The following NAALADL2 variants were observed in gnomAD, a reference collection of about 807,000 sequenced individuals.
NAALADL2 encodes the protein N-acetylated alpha-linked acidic dipeptidase like 2.
Under a neutral mutation model 87.2 loss-of-function variants are expected in NAALADL2, and 76 were observed. The observed-to-expected ratio is 0.87, with a 90% CI of 0.72 to 1.05. The LOEUF (loss-of-function observed/expected upper bound fraction) is 1.05, where lower values mean the gene tolerates loss of function less well. Among genes scored for constraint, NAALADL2 ranks in the 50% least tolerant of loss-of-function variants. The pLI, the probability that NAALADL2 is intolerant of heterozygous loss-of-function variation, is 0.00. For missense variants in NAALADL2, 1,089 were observed against 945.8 expected (o/e 1.15, Z -1.99); for synonymous variants, 354 against 331.0 (o/e 1.07, Z -0.75).
chr3:174,967,050 C>G lies in NAALADL2; in HGVS notation c.43+107600C>G, dbSNP rs374748593. ...AAGATAGACAATAGTGCTATTTGAA[C>G]AATAATTCACAACCATATCTGTTAG... On this transcript the variant is annotated intron_variant, in intron 1 of 13. Coordinates refer to ENST00000454872, the MANE Select transcript of NAALADL2 (RefSeq NM_207015.3). 6.6e-5 allele frequency among the ~76,000 whole-genome samples: 10 copies of G among 152,210 alleles called. No homozygotes were observed. The East Asian group carries it at 1.7e-3, about 26-fold the overall frequency.
At chr3:175,668,021 G>A (rs1211126377) in intron 11 of NAALADL2, among the ~76,000 whole-genome samples, 1 of 152,054 alleles carries the variant, frequency 6.6e-6, no homozygotes, top group Non-Finnish European at 1.5e-5. Context: ...GCACTGATAG[G>A]CTGCAGTAAT....
chr3:175,078,661 C>A (rs1190332583), intron 1 of NAALADL2, among the ~76,000 whole-genome samples: 1 of 152,156 alleles, frequency 6.6e-6, no homozygotes, highest in Non-Finnish European at 1.5e-5. Flanking sequence ...CTATTCTGGA[C>A]TTAAATGTAA....
intron 13 of NAALADL2, chr3:175,773,097 A>G (rs1308523171): frequency 6.6e-6 from 1 of 152,102 alleles, no homozygotes; most frequent in Non-Finnish European, 1.5e-5. Flanking sequence ...TCTTCAGGAG[A>G]TGGTAATGAG....
At chr3:175,654,891 T>C (rs1731241386) in intron 11 of NAALADL2, among the ~76,000 whole-genome samples, 2 of 152,146 alleles carry the variant, frequency 1.3e-5, no homozygotes, top group African/African-American at 2.4e-5. Flanking sequence ...GTTTCTGATA[T>C]TGCATTACGT....
At chr3:175,164,284 T>A (rs1380642330) in intron 2 of NAALADL2, among the ~76,000 whole-genome samples, 3 of 151,832 alleles carry the variant, frequency 2.0e-5, no homozygotes, top group African/African-American at 7.3e-5. Flanking sequence ...TGTGTATATA[T>A]ATATATGGCA....
intron 1 of NAALADL2, among the ~76,000 whole-genome samples, chr3:174,891,810 A>T (rs77175409): frequency 0.077 from 11,646 of 152,178 alleles, 522 homozygotes; most frequent in Middle Eastern, 0.12. Context: ...ACATACTGAG[A>T]CACCAAGTAT....
rs1718296117 is a variant in NAALADL2 at position 174,492,954 on chromosome 3, G to A, written c.-184+51922G>A. Reference sequence around the variant, plus strand: ...TTCTTCTTTAGCTCCATTTCTTACTGCTGACTGTAGTGCAAGGATTGGGTT... The same window carrying A: ...TTCTTCTTTAGCTCCATTTCTTACTACTGACTGTAGTGCAAGGATTGGGTT... On this transcript the variant is annotated intron_variant, in intron 1 of 3. Coordinates refer to the NAALADL2 transcript ENST00000434257. Among the ~76,000 whole-genome samples, 4 of 152,162 alleles carry A rather than the reference G, an allele frequency of 2.6e-5. No individual in the cohort carries two copies. The South Asian group carries it at 8.3e-4, about 31-fold the overall frequency.
At chr3:174,798,571 G>A (rs1360410735) in intron 3 of NAALADL2, among the ~76,000 whole-genome samples, 3 of 151,524 alleles carry the variant, frequency 2.0e-5, no homozygotes, top group African/African-American at 4.8e-5. Context: ...AACATGGGAT[G>A]TTTTTCCATT....
chr3:174,821,532 C>T (rs964158535), intron 3 of NAALADL2, among the ~76,000 whole-genome samples: 5 of 152,028 alleles, frequency 3.3e-5, no homozygotes, highest in African/African-American at 2.4e-5. Context: ...GATGAAAAGC[C>T]TGTTTTCCCC....
intron 9 of NAALADL2, among the ~76,000 whole-genome samples, chr3:175,561,354 A>G (rs900221246): frequency 2.6e-5 from 4 of 152,184 alleles, no homozygotes; most frequent in Non-Finnish European, 5.9e-5. Flanking sequence ...AATGACAAGG[A>G]AAAAAAGTCT....
At chr3:174,848,020 T>C (rs866010628) in intron 3 of NAALADL2, among the ~76,000 whole-genome samples, 26 of 151,744 alleles carry the variant, frequency 1.7e-4, no homozygotes, top group Non-Finnish European at 3.1e-4. Flanking sequence ...TTTTTTTTTT[T>C]ACTTCTTTGC....
At chr3:174,733,384 C>G (rs1369432809) in intron 2 of NAALADL2, among the ~76,000 whole-genome samples, 1 of 152,206 alleles carries the variant, frequency 6.6e-6, no homozygotes, top group Non-Finnish European at 1.5e-5. Context: ...CAGTCAAAGG[C>G]ATTATGTTAG....
chr3:175,782,040 AT>A (rs1462336859), intron 13 of NAALADL2, among the ~76,000 whole-genome samples: 22 of 150,706 alleles, frequency 1.5e-4, no homozygotes, highest in African/African-American at 5.3e-4. Flanking sequence ...TGAACTCATC[AT>A]TTTTTATGGC....
intron 2 of NAALADL2, among the ~76,000 whole-genome samples, chr3:175,148,928 T>A (rs906483874): frequency 6.6e-6 from 1 of 152,174 alleles, no homozygotes; most frequent in African/African-American, 2.4e-5. Context: ...CTTTGACTAT[T>A]CAGGCTCTTT....
At chr3:174,644,602 A>C (rs1723592984) in intron 2 of NAALADL2, among the ~76,000 whole-genome samples, 1 of 152,148 alleles carries the variant, frequency 6.6e-6, no homozygotes, top group Admixed American at 6.5e-5. Flanking sequence ...TCAAGAGTCA[A>C]CTGTAGCATT....
chr3:174,762,599 A>G (rs909084184), intron 3 of NAALADL2, among the ~76,000 whole-genome samples: 4 of 151,978 alleles, frequency 2.6e-5, no homozygotes, highest in Non-Finnish European at 5.9e-5. Flanking sequence ...GTGGAAAAAA[A>G]TATTGAAATA....
intron 9 of NAALADL2, among the ~76,000 whole-genome samples, chr3:175,554,321 A>G (rs1048669943): frequency 1.3e-5 from 2 of 152,174 alleles, no homozygotes; most frequent in African/African-American, 2.4e-5. Flanking sequence ...AAGAGGGAGC[A>G]TTGTGGCAGG....
rs796337302 is a variant in NAALADL2, at chr3:175,181,057, T to C, written c.546-52874T>C. Among the ~76,000 whole-genome samples, 3 of 152,010 alleles carry C rather than the reference T, an allele frequency of 2.0e-5. No individual in the cohort carries two copies. The South Asian group carries it at 6.2e-4, about 31-fold the overall frequency. Reference sequence around the variant, plus strand: ...AAGCTAACACTTCTACTGTGTTTCATACCTATGACATTTAGAGGCACCCAT... The same window carrying C: ...AAGCTAACACTTCTACTGTGTTTCACACCTATGACATTTAGAGGCACCCAT... On this transcript the variant is annotated intron_variant, in intron 2 of 13. Coordinates refer to ENST00000454872, the MANE Select transcript of NAALADL2 (RefSeq NM_207015.3).
chr3:174,589,896 A>T (rs932481121), intron 2 of NAALADL2, among the ~76,000 whole-genome samples: 3 of 151,616 alleles, frequency 2.0e-5, no homozygotes, highest in Non-Finnish European at 2.9e-5. Context: ...ATATTTGAAA[A>T]TGCCATAAAT....
Sources: allele counts gnomAD v4.1 joint callset (sites outside exome capture counted in the v4.1 genomes callset), GRCh38; gene constraint gnomAD v4.1.1; transcripts MANE v1.5; gene names NCBI Gene and HGNC (gene_info 2026-07-23, HGNC 2026-07-21).